Variants in PLA2G2C observed in about 807,000 individuals in gnomAD.
PLA2G2C encodes putative inactive group IIC secretory phospholipase A2.
A neutral mutation model predicts 14.3 loss-of-function variants in PLA2G2C; 15 were observed. The ratio of observed to expected loss-of-function variants is 1.05; its 90% confidence interval spans 0.70 to 1.62. The LOEUF is 1.62. PLA2G2C is among the 40% of genes most tolerant of loss of function. The pLI is 0.00. For synonymous variants in PLA2G2C, 79 were observed against 67.7 expected, an observed-to-expected ratio of 1.17 and a Z score of -0.82; for missense variants, 162 against 173.2, an observed-to-expected ratio of 0.94 and a Z score of 0.36.
chr1:20,172,698 AT>A, intron 4 of PLA2G2C, 95 bp downstream of exon 4: 1 of 1,014,328 alleles, frequency 9.9e-7, no homozygotes, highest in East Asian at 2.6e-5. Flanking sequence ...ACTTGGAAGC[AT>A]TTCATTTTCT....
At chr1:20,183,202 C>CGG (rs2018301572) in intron 1 of PLA2G2C, among the ~76,000 whole-genome samples, 1 of 152,220 alleles carries the variant, frequency 6.6e-6, no homozygotes, top group Non-Finnish European at 1.5e-5. Flanking sequence ...CAATCCTGTG[C>CGG]TTATCATCAC....
intron 4 of PLA2G2C, among the ~76,000 whole-genome samples, chr1:20,169,471 C>T (rs994965073): frequency 6.6e-6 from 1 of 152,182 alleles, no homozygotes; most frequent in Non-Finnish European, 1.5e-5. Flanking sequence ...TGAGCCACCA[C>T]ACCTGGCCAG....
At chr1:20,164,266 G>A (rs2017935875) in intron 4 of PLA2G2C, 109 bp from the exon 5 acceptor site, 2 of 1,156,652 alleles carry the variant, frequency 1.7e-6, no homozygotes, top group Admixed American at 2.8e-5. Context: ...GTTAAGGACA[G>A]AAAGGAAAGC....
intron 4 of PLA2G2C, among the ~76,000 whole-genome samples, chr1:20,171,999 G>A (rs1379193776): frequency 6.6e-6 from 1 of 151,638 alleles, no homozygotes; most frequent in Non-Finnish European, 1.5e-5. Flanking sequence ...TCCTGACCTC[G>A]TGATCCGCCC....
chr1:20,176,595 G>C lies in PLA2G2C; in HGVS notation c.40+729C>G, dbSNP rs78472156. 5.7e-3 allele frequency among the ~76,000 whole-genome samples: 871 copies of C among 152,334 alleles called. 9 individuals carry two copies. Among genetic ancestry groups the C allele is most frequent in the African/African-American group, 0.019 (786 of 41,572 alleles). On this transcript the variant is annotated intron_variant, in intron 2 of 4. Transcript: ENST00000679259. ...GCAGTCCCTGGAGCCGCACTGAGGG[G>C]CTGCAGAGGCGGTCATCCCTGCGTA...
rs572199497 is a variant in PLA2G2C, at chr1:20,176,323, GAA to G, written c.40+999_40+1000del. Among the ~76,000 whole-genome samples the G allele has an allele frequency of 1.1e-4, 17 of 152,222 alleles. No individual in the cohort carries two copies. In the East Asian group the frequency reaches 2.7e-3, roughly 24 times the overall value. On this transcript the variant is annotated intron_variant, in intron 2 of 4. Transcript: ENST00000679259. ...AAGAGTGGTCACATCTGGATGTAGG[GAA>G]AAAACTGGGGTCTGGGGAGGATGAG...
At chr1:20,178,630 T>TA (rs1197262299) in intron 1 of PLA2G2C, among the ~76,000 whole-genome samples, 2 of 152,022 alleles carry the variant, frequency 1.3e-5, no homozygotes, top group Admixed American at 6.6e-5. Flanking sequence ...CTTTTGAGTC[T>TA]AAAAAAAATC....
intron 4 of PLA2G2C, among the ~76,000 whole-genome samples, chr1:20,170,263 T>C (rs114036021): frequency 6.6e-6 from 1 of 152,376 alleles, no homozygotes; most frequent in Non-Finnish European, 1.5e-5. Context: ...AGACGGTATG[T>C]TCCAGAGCAC....
intron 1 of PLA2G2C, among the ~76,000 whole-genome samples, chr1:20,183,642 A>G (rs1432034230): frequency 6.6e-6 from 1 of 152,066 alleles, no homozygotes; most frequent in Non-Finnish European, 1.5e-5. Context: ...AGAGCACATG[A>G]GCTTTTGTGG....
At chr1:20,174,748 T>TCA (rs773652307) in intron 3 of PLA2G2C, among the ~76,000 whole-genome samples, 1 of 152,112 alleles carries the variant, frequency 6.6e-6, no homozygotes, top group Non-Finnish European at 1.5e-5. Flanking sequence ...ACTTTACAGA[T>TCA]CACACGCTCA....
At chr1:20,165,689 TGC>T (rs1248750516) in intron 4 of PLA2G2C, among the ~76,000 whole-genome samples, 1 of 151,622 alleles carries the variant, frequency 6.6e-6, no homozygotes, top group Non-Finnish European at 1.5e-5. Context: ...TGTGTGTGCA[TGC>T]GCGTGTGTGC....
Position 20,164,496 on chromosome 1 carries a change from G to C in PLA2G2C, c.284-339C>G, listed in dbSNP as rs190424757. Among the ~76,000 whole-genome samples the C allele has an allele frequency of 3.5e-3, 529 of 152,288 alleles. 3 individuals carry two copies. The highest frequency in any genetic ancestry group is 6.1e-3 in the Non-Finnish European group (412 of 68,018). ...CAAGCCCTTCCCTGATCACATCTGG[G>C]CATCCCACGAGTGCTGGAGAAGCCT... On this transcript the variant is annotated intron_variant, in intron 4 of 4. Transcript: ENST00000679259.
intron 1 of PLA2G2C, among the ~76,000 whole-genome samples, chr1:20,183,796 G>A (rs1291847043): frequency 6.6e-6 from 1 of 152,192 alleles, no homozygotes; most frequent in African/African-American, 2.4e-5. Context: ...AAAAGCTGGG[G>A]CCCATCTGGG....
rs757643533 is a variant in PLA2G2C at position 20,164,016 on chromosome 1, C to T, written c.425G>A (p.Cys142Tyr). The change falls in exon 5 of 5, where the codon TGT becomes TAT. Residue 142 changes from cysteine to tyrosine, a missense_variant. By Grantham distance (194) the Cys-to-Tyr change is radical. Coordinates refer to ENST00000679259, the MANE Select transcript of PLA2G2C (RefSeq NM_001367969.2). ...NFKQFSSQPR[C>Y]GRHKPWC ...CTAGCACCAGGGCTTATGTCTGCCA[C>T]ACCTGGGCTGGCTGGAGAACTGCTT... 8.7e-6 allele frequency: 14 copies of T among 1,613,216 alleles called. No individual in the cohort carries two copies. The African/African-American group carries it at 1.2e-4, about 14-fold the overall frequency.
intron 1 of PLA2G2C, among the ~76,000 whole-genome samples, chr1:20,178,378 T>G (rs942467672): frequency 5.9e-5 from 9 of 152,174 alleles, no homozygotes; most frequent in Admixed American, 2.6e-4. Context: ...GGTGCAGAGC[T>G]TGGGCTAGAT....
Position 20,175,157 on chromosome 1 carries a change from G to C in PLA2G2C, c.41-12C>G. ...GCTGTGGGTGGGGGCTGCCACCACCGATGAGAAAAAAAGGAAGAAGGAAGT... is the reference window on the plus strand; with the variant it reads ...GCTGTGGGTGGGGGCTGCCACCACCCATGAGAAAAAAAGGAAGAAGGAAGT... On this transcript the variant is annotated splice_polypyrimidine_tract_variant and intron_variant, in intron 2 of 4. Coordinates refer to ENST00000679259, the MANE Select transcript of PLA2G2C (RefSeq NM_001367969.2). The C allele has an allele frequency of 6.2e-7, 1 of 1,612,902 alleles. No individual in the cohort carries two copies. Among genetic ancestry groups the C allele is most frequent in the South Asian group, 1.1e-5 (1 of 90,994 alleles).
chr1:20,164,680 C>T (rs563326631), intron 4 of PLA2G2C, among the ~76,000 whole-genome samples: 45 of 152,312 alleles, frequency 3.0e-4, no homozygotes, highest in African/African-American at 1.1e-3. Flanking sequence ...CAGGCATCTC[C>T]AACTTGAGGC....
chr1:20,177,839 C>G (rs1369280100), intron 1 of PLA2G2C, among the ~76,000 whole-genome samples: 1 of 152,114 alleles, frequency 6.6e-6, no homozygotes, highest in African/African-American at 2.4e-5. Flanking sequence ...TCCTTGATAC[C>G]CAGGCATCAT....
At chr1:20,183,427 G>A (rs528520266) in intron 1 of PLA2G2C, among the ~76,000 whole-genome samples, 1 of 152,288 alleles carries the variant, frequency 6.6e-6, no homozygotes, top group East Asian at 1.9e-4. Context: ...GGTCCAGGGT[G>A]GGCTTTGGAA....
Sources: allele counts gnomAD v4.1 joint callset (sites outside exome capture counted in the v4.1 genomes callset), GRCh38; gene constraint gnomAD v4.1.1; transcripts MANE v1.5; gene names NCBI Gene and HGNC (gene_info 2026-07-23, HGNC 2026-07-21).